GRM7: variants seen among roughly 807,000 people sequenced by gnomAD.
GRM7 encodes the protein metabotropic glutamate receptor 7.
In GRM7, 35 loss-of-function variants were observed where a neutral mutation model predicts 84.5. That is an observed-to-expected ratio of 0.41 (90% confidence interval 0.32 to 0.55). GRM7 has a LOEUF of 0.55. GRM7 is among the 20% of genes least tolerant of loss of function. GRM7 has a pLI of 0.19. For missense variants in GRM7, 1,003 were observed against 1,194.6 expected (o/e 0.84, Z 2.36); for synonymous variants, 487 against 455.1 (o/e 1.07, Z -0.89).
At chr3:7,521,805 T>C (rs1184337173) in intron 7 of GRM7, among the ~76,000 whole-genome samples, 2 of 152,140 alleles carry the variant, frequency 1.3e-5, no homozygotes, top group Non-Finnish European at 2.9e-5. Context: ...CCCTCCCAAG[T>C]AGACACGTAG....
intron 1 of GRM7, among the ~76,000 whole-genome samples, chr3:6,978,915 G>C (rs973879947): frequency 1.3e-5 from 2 of 152,048 alleles, no homozygotes; most frequent in African/African-American, 2.4e-5. Context: ...GAGAGAAGAG[G>C]TATGGACATT....
At chr3:7,708,183 G>T (rs529706613) in intron 9 of GRM7, among the ~76,000 whole-genome samples, 7 of 151,002 alleles carry the variant, frequency 4.6e-5, no homozygotes, top group Non-Finnish European at 8.9e-5. Flanking sequence ...CATCTAGCTA[G>T]GTTTTGGCTT....
chr3:7,359,879 A>G (rs2125103275), intron 4 of GRM7, among the ~76,000 whole-genome samples: 1 of 148,200 alleles, frequency 6.7e-6, no homozygotes, highest in Admixed American at 6.7e-5. Flanking sequence ...TCATTTTAGG[A>G]ATTGGGTCTC....
chr3:7,452,735 G>C lies in GRM7; in HGVS notation c.1303G>C (p.Gly435Arg). 1 of 1,613,456 alleles carries C rather than the reference G, an allele frequency of 6.2e-7. No homozygotes were observed. The highest frequency in any genetic ancestry group is 8.5e-7 in the Non-Finnish European group (1 of 1,179,616). The change falls in exon 6 of 10, where the codon GGT (glycine) becomes CGT (arginine). Residue 435 changes from glycine (G) to arginine (R), a missense_variant. Around this residue, in one of 2 missense-constraint regions of GRM7, gnomAD observed 910 missense variants for 1,126.0 expected, o/e 0.81. Coordinates refer to ENST00000357716, the MANE Select transcript of GRM7 (RefSeq NM_000844.4). Reference protein sequence around the residue: ...MNKDLCADYRGVCPEMEQAGG... With the variant: ...MNKDLCADYRRVCPEMEQAGG... ...CAAGGATCTCTGTGCTGACTACCGG[G>C]GTGTCTGCCCAGAGATGGAGCAAGC...
chr3:7,281,051 G>T (rs919791511), intron 2 of GRM7, among the ~76,000 whole-genome samples: 7 of 152,124 alleles, frequency 4.6e-5, no homozygotes, highest in African/African-American at 1.7e-4. Flanking sequence ...AGTCAGGAAT[G>T]GTTCTCTTTG....
chr3:7,251,232 A>G (rs945984768), intron 2 of GRM7, among the ~76,000 whole-genome samples: 1 of 152,180 alleles, frequency 6.6e-6, no homozygotes, highest in Admixed American at 6.5e-5. Context: ...GTGGTCCTTA[A>G]AAGTGTGAAT....
chr3:7,021,191 T>C (rs1695762987), intron 1 of GRM7, among the ~76,000 whole-genome samples: 1 of 152,188 alleles, frequency 6.6e-6, no homozygotes, highest in Admixed American at 6.5e-5. Context: ...ATGTTCCCAG[T>C]GACATTCAGG....
chr3:7,463,253 T>A (rs1698322729), intron 7 of GRM7, among the ~76,000 whole-genome samples: 1 of 152,090 alleles, frequency 6.6e-6, no homozygotes, highest in Non-Finnish European at 1.5e-5. Flanking sequence ...ACATATAATT[T>A]GTCCAATATC....
At chr3:7,227,097 A>G (rs1283717281) in intron 2 of GRM7, among the ~76,000 whole-genome samples, 1 of 152,216 alleles carries the variant, frequency 6.6e-6, no homozygotes, top group Admixed American at 6.5e-5. Context: ...TTATTTTAAT[A>G]TTAATTAAGG....
chr3:6,972,478 T>C (rs1693797959), intron 1 of GRM7, among the ~76,000 whole-genome samples: 2 of 152,200 alleles, frequency 1.3e-5, no homozygotes, highest in Non-Finnish European at 2.9e-5. Context: ...GTTCCTCGCT[T>C]TTACTTTCTT....
intron 7 of GRM7, among the ~76,000 whole-genome samples, chr3:7,469,833 T>C (rs1378811799): frequency 1.3e-5 from 2 of 152,182 alleles, no homozygotes; most frequent in African/African-American, 4.8e-5. Flanking sequence ...GATTTGTAAA[T>C]CAAAATTAAG....
At chr3:7,558,551 C>G (rs1693873999) in intron 7 of GRM7, among the ~76,000 whole-genome samples, 1 of 152,048 alleles carries the variant, frequency 6.6e-6, no homozygotes, top group African/African-American at 2.4e-5. Context: ...AATAATGGTT[C>G]ATTATTATGC....
chr3:7,414,083 A>G (rs979694652), intron 4 of GRM7, among the ~76,000 whole-genome samples: 3 of 152,194 alleles, frequency 2.0e-5, no homozygotes, highest in Non-Finnish European at 4.4e-5. Context: ...GTGACATTTT[A>G]TGAGAAAATG....
At position 7,276,795 on chromosome 3, in the gene GRM7, C is replaced by CTCCCTCCCTCCCTCCCTTCCCTTCCT. The variant is rs1553641242; in HGVS notation, c.737-21888_737-21887insCCCTCCCTCCCTCCCTTCCCTTCCTT. ...CCTTCCTTCCTTCCTTCCTTCCTTCCTTCCTTCCTTTTTGGTGGTGGCATG... is the reference window on the plus strand; with the variant it reads ...CCTTCCTTCCTTCCTTCCTTCCTTCCTCCCTCCCTCCCTCCCTTCCCTTCCTTTCCTTCCTTTTTGGTGGTGGCATG... On this transcript the variant is annotated intron_variant, in intron 2 of 9. Coordinates refer to ENST00000357716, the MANE Select transcript of GRM7 (RefSeq NM_000844.4). Among the ~76,000 whole-genome samples, 2 of 5,152 alleles carry CTCCCTCCCTCCCTCCCTTCCCTTCCT rather than the reference C, an allele frequency of 3.9e-4. 1 individual carries two copies. The highest frequency in any genetic ancestry group is 7.2e-4 in the Non-Finnish European group (2 of 2,784). The allele number at this position is 5,152 out of a possible 152,430, so 3.4% of individuals were successfully genotyped here. A position where few individuals can be genotyped will look rare whatever the true frequency, so the allele number is the denominator to read the frequency against.
chr3:7,400,604 T>C (rs1391699085), intron 4 of GRM7, among the ~76,000 whole-genome samples: 1 of 152,192 alleles, frequency 6.6e-6, no homozygotes, highest in Non-Finnish European at 1.5e-5. Flanking sequence ...GTCCTTCCTA[T>C]CTGTATGAGC....
chr3:6,921,070 C>T (rs1181554894), intron 1 of GRM7, among the ~76,000 whole-genome samples: 1 of 152,156 alleles, frequency 6.6e-6, no homozygotes, highest in Non-Finnish European at 1.5e-5. Context: ...TGAAGGCATC[C>T]GTCACATTGG....
intron 8 of GRM7, among the ~76,000 whole-genome samples, chr3:7,620,002 C>G (rs887776921): frequency 2.0e-5 from 3 of 152,064 alleles, no homozygotes; most frequent in African/African-American, 7.2e-5. Flanking sequence ...ACCAAAAATC[C>G]TGACCACTCC....
intron 2 of GRM7, among the ~76,000 whole-genome samples, chr3:7,239,832 T>C (rs1055494467): frequency 6.6e-6 from 1 of 152,194 alleles, no homozygotes; most frequent in Non-Finnish European, 1.5e-5. Flanking sequence ...ATCAAGGCTT[T>C]GATTCTTCAC....
At chr3:7,533,588 A>G (rs573286380) in intron 7 of GRM7, among the ~76,000 whole-genome samples, 13 of 152,170 alleles carry the variant, frequency 8.5e-5, no homozygotes, top group African/African-American at 2.4e-4. Flanking sequence ...AGGCTCTCCA[A>G]TAAGCTGTGT....
Sources: allele counts gnomAD v4.1 joint callset (sites outside exome capture counted in the v4.1 genomes callset), GRCh38; gene constraint gnomAD v4.1.1; regional missense constraint gnomAD v4.1.1; transcripts MANE v1.5; gene names NCBI Gene and HGNC (gene_info 2026-07-23, HGNC 2026-07-21).